The following NBEA variants were observed in gnomAD, a reference collection of about 807,000 sequenced individuals.
NBEA encodes lysosomal-trafficking regulator 2.
Under a neutral mutation model 343.4 loss-of-function variants are expected in NBEA, and 44 were observed. That is an observed-to-expected ratio of 0.13 (90% confidence interval 0.10 to 0.16). The LOEUF (loss-of-function observed/expected upper bound fraction) is 0.16. NBEA is among the 10% of genes least tolerant of loss of function. The pLI, the probability that NBEA is intolerant of heterozygous loss-of-function variation, is 1.00. For missense variants in NBEA, 2,555 were observed against 3,631.3 expected (o/e 0.70, Z 7.62); for synonymous variants, 1,175 against 1,238.7 (o/e 0.95, Z 1.08).
intron 38 of NBEA, among the ~76,000 whole-genome samples, chr13:35,373,214 A>G (rs1290817503): frequency 6.6e-6 from 1 of 151,934 alleles, no homozygotes; most frequent in East Asian, 1.9e-4. Context: ...TCTCTATTGA[A>G]TTCCAGTGTT....
At chr13:35,395,753 T>A (rs1241035966) in intron 38 of NBEA, among the ~76,000 whole-genome samples, 1 of 152,190 alleles carries the variant, frequency 6.6e-6, no homozygotes, top group South Asian at 2.1e-4. Context: ...TATTCTAATA[T>A]GATTGTGAGA....
rs202051773 is a variant in NBEA, at chr13:35,196,267, A to C, written c.5331A>C (p.Gln1777His). Reference protein sequence around the residue: ...YPDPALKRETQAILPMQFHSF... With the variant: ...YPDPALKRETHAILPMQFHSF... ...ATCCAGCATTGAAGAGAGAAACACA[A>C]GCTATTCTTCCTATGCAGTTTCATT... The change falls in exon 31 of 59, where the codon CAA (glutamine) becomes CAC (histidine). Residue 1777 changes from glutamine to histidine, a missense_variant. Gln to His is a conservative substitution (Grantham distance 24). Transcript: ENST00000379939. The C allele has an allele frequency of 9.5e-4, 1,531 of 1,613,430 alleles. 16 individuals carry two copies. In the African/African-American group the frequency reaches 0.018, roughly 19 times the overall value.
intron 36 of NBEA, among the ~76,000 whole-genome samples, chr13:35,338,869 C>T (rs1237468917): frequency 6.6e-6 from 1 of 151,920 alleles, no homozygotes; most frequent in Non-Finnish European, 1.5e-5. Flanking sequence ...CGTAATACAC[C>T]ATATTGCTGA....
At chr13:35,585,991 A>G (rs1334009935) in intron 46 of NBEA, among the ~76,000 whole-genome samples, 5 of 152,100 alleles carry the variant, frequency 3.3e-5, no homozygotes, top group Non-Finnish European at 5.9e-5. Context: ...TGCCTTCTCC[A>G]TTCTGGTCTA....
chr13:35,075,957 C>T (rs1049027869), intron 10 of NBEA, among the ~76,000 whole-genome samples: 3 of 151,694 alleles, frequency 2.0e-5, no homozygotes, highest in South Asian at 2.1e-4. Context: ...TTATATACAG[C>T]GTTAAAATTT....
intron 1 of NBEA, among the ~76,000 whole-genome samples, chr13:34,984,380 C>G (rs541701842): frequency 2.6e-5 from 4 of 152,210 alleles, no homozygotes; most frequent in Admixed American, 2.6e-4. Context: ...TTTCTGAGGC[C>G]TCTGATCTGT....
intron 38 of NBEA, among the ~76,000 whole-genome samples, chr13:35,416,299 C>A (rs1313139652): frequency 6.6e-6 from 1 of 152,162 alleles, no homozygotes; most frequent in African/African-American, 2.4e-5. Context: ...GAGAGCGCAT[C>A]CCTGTCTTGT....
chr13:35,296,774 T>TA, intron 35 of NBEA, among the ~76,000 whole-genome samples: 1 of 152,238 alleles, frequency 6.6e-6, no homozygotes, highest in Non-Finnish European at 1.5e-5. Context: ...CTTTTACTTC[T>TA]AGTATACATT....
At chr13:35,123,721 G>T in intron 17 of NBEA, 147 bp downstream of exon 17, 1 of 394,072 alleles carries the variant, frequency 2.5e-6, no homozygotes, top group Admixed American at 4.4e-5. Flanking sequence ...TTGTAAAAAT[G>T]TTTTATAAAA....
At chr13:35,089,246 G>A (rs1347597466) in intron 10 of NBEA, among the ~76,000 whole-genome samples, 28 of 131,660 alleles carry the variant, frequency 2.1e-4, no homozygotes, top group Admixed American at 4.7e-4. Context: ...AAAAGTGGGC[G>A]AAGGACATGA....
chr13:35,640,865 C>A (rs1236533688), intron 49 of NBEA, among the ~76,000 whole-genome samples: 3 of 151,674 alleles, frequency 2.0e-5, no homozygotes, highest in African/African-American at 7.3e-5. Flanking sequence ...TCTGCCTATA[C>A]CTACAAAATT....
chr13:35,202,673 G>A (rs2073103692), intron 31 of NBEA, among the ~76,000 whole-genome samples: 1 of 151,908 alleles, frequency 6.6e-6, no homozygotes, highest in Admixed American at 6.6e-5. Context: ...CACTCTCCTG[G>A]CATTAAATAG....
intron 30 of NBEA, among the ~76,000 whole-genome samples, chr13:35,194,019 G>T (rs980903199): frequency 1.3e-5 from 2 of 151,610 alleles, no homozygotes; most frequent in Admixed American, 6.6e-5. Context: ...AAAGAAAAGG[G>T]GGAGAAAAAA....
chr13:35,316,843 A>G (rs2037768008), intron 36 of NBEA, among the ~76,000 whole-genome samples: 1 of 152,096 alleles, frequency 6.6e-6, no homozygotes. Context: ...TTTGATTTGC[A>G]TTTCTCTAAT....
At chr13:35,397,519 T>C (rs1037962889) in intron 38 of NBEA, among the ~76,000 whole-genome samples, 7 of 152,018 alleles carry the variant, frequency 4.6e-5, no homozygotes, top group Admixed American at 1.3e-4. Context: ...GGGCAGAGAC[T>C]TTTTTTTACT....
At chr13:35,441,118 T>C (rs983700823) in intron 39 of NBEA, among the ~76,000 whole-genome samples, 2 of 152,228 alleles carry the variant, frequency 1.3e-5, no homozygotes, top group African/African-American at 4.8e-5. Flanking sequence ...CTTCCTTCCA[T>C]GTCTCTGGGC....
At position 35,550,794 on chromosome 13, in the gene NBEA, A is replaced by G; in HGVS notation, c.6704-136A>G. On this transcript the variant is annotated intron_variant, in intron 42 of 58. Coordinates refer to ENST00000379939, the MANE Select transcript of NBEA (RefSeq NM_001385012.1). ...CTAGGTTTCTCATGGATAAAGTTATACTGAAAGCTGATTTTTCATGAAGAT... is the reference window on the plus strand; with the variant it reads ...CTAGGTTTCTCATGGATAAAGTTATGCTGAAAGCTGATTTTTCATGAAGAT... 13 of 658,956 alleles carry G rather than the reference A, an allele frequency of 2.0e-5. No homozygotes were observed. The South Asian group carries it at 2.7e-4, about 14-fold the overall frequency. The allele number at this position is 658,956 out of a possible 1,614,324, so 40.8% of individuals were successfully genotyped here. A position where few individuals can be genotyped will look rare whatever the true frequency, so the allele number is the denominator to read the frequency against.
chr13:35,543,794 G>A (rs2078941447), intron 41 of NBEA, among the ~76,000 whole-genome samples: 1 of 152,056 alleles, frequency 6.6e-6, no homozygotes, highest in African/African-American at 2.4e-5. Context: ...ACCAAGACAT[G>A]TGGTGAGAGG....
At chr13:35,014,494 A>G (rs1404694100) in intron 1 of NBEA, among the ~76,000 whole-genome samples, 1 of 152,170 alleles carries the variant, frequency 6.6e-6, no homozygotes, top group East Asian at 1.9e-4. Context: ...ATTTTGATGA[A>G]TATTATTTTT....
Sources: allele counts gnomAD v4.1 joint callset (sites outside exome capture counted in the v4.1 genomes callset), GRCh38; gene constraint gnomAD v4.1.1; transcripts MANE v1.5; gene names NCBI Gene and HGNC (gene_info 2026-07-23, HGNC 2026-07-21).